The following PIK3R4 variants were observed in gnomAD, a reference collection of about 807,000 sequenced individuals.
PIK3R4 encodes phosphoinositide-3-kinase regulatory subunit 4, also known as phosphoinositide 3-kinase regulatory subunit 4.
In PIK3R4, 46 loss-of-function variants were observed where a neutral mutation model predicts 136.5. That is an observed-to-expected ratio of 0.34 (90% CI 0.27 to 0.43). The LOEUF (loss-of-function observed/expected upper bound fraction) is 0.43, where lower values mean the gene tolerates loss of function less well. PIK3R4 is among the 20% of genes least tolerant of loss of function. PIK3R4 has a pLI of 1.00. For missense variants in PIK3R4, 1,331 were observed against 1,649.5 expected, an observed-to-expected ratio of 0.81 and a Z score of 3.35; for synonymous variants, 557 against 566.7, an observed-to-expected ratio of 0.98 and a Z score of 0.24.
chr3:130,741,990 C>A (rs1394870210), intron 2 of PIK3R4, among the ~76,000 whole-genome samples: 1 of 152,142 alleles, frequency 6.6e-6, no homozygotes, highest in African/African-American at 2.4e-5. Flanking sequence ...ATTTTCTCAC[C>A]ATTTCATTAT....
At chr3:130,695,789 A>G (rs929105054) in intron 13 of PIK3R4, among the ~76,000 whole-genome samples, 3 of 152,182 alleles carry the variant, frequency 2.0e-5, no homozygotes, top group East Asian at 1.9e-4. Context: ...CACAGTATAC[A>G]TAAGGTTTGG....
chr3:130,711,019 A>AT (rs1491587725), intron 9 of PIK3R4, among the ~76,000 whole-genome samples: 1 of 87,804 alleles, frequency 1.1e-5, no homozygotes, highest in African/African-American at 4.1e-5. Flanking sequence ...AAAAGGAAAG[A>AT]AAAAAAAAAA....
intron 15 of PIK3R4, 99 bp downstream of exon 15, chr3:130,686,112 T>C: frequency 1.5e-6 from 1 of 645,214 alleles, no homozygotes; most frequent in Non-Finnish European, 2.7e-6. Context: ...ACGGGAAAAA[T>C]TACCAATGAA....
At chr3:130,680,855 G>T (rs1247918413) in intron 18 of PIK3R4, 122 bp downstream of exon 18, 2 of 753,018 alleles carry the variant, frequency 2.7e-6, no homozygotes, top group African/African-American at 1.8e-5. Flanking sequence ...GCATACCATT[G>T]GTTACAAATA....
At chr3:130,736,820 C>T (rs909749780) in intron 2 of PIK3R4, among the ~76,000 whole-genome samples, 3 of 151,990 alleles carry the variant, frequency 2.0e-5, no homozygotes, top group Non-Finnish European at 4.4e-5. Flanking sequence ...CCTCATGAAG[C>T]TTTCATTCTA....
At chr3:130,734,215 C>T (rs1002826740) in intron 3 of PIK3R4, 85 bp from the exon 4 acceptor site, 9 of 1,089,714 alleles carry the variant, frequency 8.3e-6, no homozygotes, top group East Asian at 7.2e-5. Context: ...AATTTACATA[C>T]GATTTAAAGG....
rs2066452048 is a variant in PIK3R4 at position 130,680,628 on chromosome 3, G to A, written c.3891C>T (p.Gly1297=). The A allele has an allele frequency of 6.3e-7, 1 of 1,596,330 alleles. No homozygotes were observed. The highest frequency in any genetic ancestry group is 2.2e-5 in the East Asian group (1 of 44,710). ...SVSYYRKIIE[G]TEVVQEIQNK... is the part of the protein sequence containing the mutation. Reference sequence around the variant, plus strand: ...ACTACAGTACCTGGACAACTTCAGTGCCTTCAATTATTTTCCTGTAGTAGG... The same window carrying A: ...ACTACAGTACCTGGACAACTTCAGTACCTTCAATTATTTTCCTGTAGTAGG... The change falls in exon 19 of 20, where the codon GGC becomes GGT. Residue 1297 remains glycine (G), a synonymous_variant. Transcript: ENST00000356763.
At chr3:130,741,074 T>TAG (rs1365580466) in intron 2 of PIK3R4, among the ~76,000 whole-genome samples, 4 of 152,336 alleles carry the variant, frequency 2.6e-5, no homozygotes, top group Non-Finnish European at 5.9e-5. Flanking sequence ...ATTGACTGAA[T>TAG]TGTGTGTCAA....
At chr3:130,715,935 T>C (rs757137750) in intron 9 of PIK3R4, among the ~76,000 whole-genome samples, 4 of 152,254 alleles carry the variant, frequency 2.6e-5, no homozygotes, top group Non-Finnish European at 4.4e-5. Flanking sequence ...AAACCTAAGA[T>C]GCATTCTAAA....
chr3:130,696,973 A>C (rs924049770), intron 13 of PIK3R4, among the ~76,000 whole-genome samples: 3 of 149,180 alleles, frequency 2.0e-5, no homozygotes, highest in African/African-American at 7.4e-5. Context: ...TGATGAACTG[A>C]TCCTTTTACC....
At chr3:130,696,244 AT>A (rs75569059) in intron 13 of PIK3R4, among the ~76,000 whole-genome samples, 5,833 of 145,462 alleles carry the variant, frequency 0.04, 246 homozygotes, top group East Asian at 0.1. Flanking sequence ...ACTTTTGCTG[AT>A]TTTTTTTTTT....
At chr3:130,732,277 ATTT>A (rs1161372260) in intron 4 of PIK3R4, among the ~76,000 whole-genome samples, 1 of 152,156 alleles carries the variant, frequency 6.6e-6, no homozygotes, top group African/African-American at 2.4e-5. Context: ...AGTAGCTATT[ATTT>A]TTATGTGATA....
chr3:130,718,986 T>G (rs1427209884), intron 7 of PIK3R4, among the ~76,000 whole-genome samples: 1 of 152,042 alleles, frequency 6.6e-6, no homozygotes, highest in East Asian at 1.9e-4. Flanking sequence ...AGAATTTACT[T>G]CTCCAAGCTA....
intron 7 of PIK3R4, among the ~76,000 whole-genome samples, chr3:130,722,229 C>A (rs1369677747): frequency 6.6e-6 from 1 of 151,980 alleles, no homozygotes; most frequent in Non-Finnish European, 1.5e-5. Flanking sequence ...GTGTTTTTTT[C>A]TCCCCATAGT....
At chr3:130,682,947 G>A (rs1393733984) in intron 16 of PIK3R4, among the ~76,000 whole-genome samples, 2 of 152,174 alleles carry the variant, frequency 1.3e-5, no homozygotes, top group African/African-American at 4.8e-5. Context: ...ACAGAAGCAG[G>A]CTGTGAAGAA....
chr3:130,732,720 C>A (rs1054162254), intron 4 of PIK3R4, among the ~76,000 whole-genome samples: 1 of 151,504 alleles, frequency 6.6e-6, no homozygotes, highest in Non-Finnish European at 1.5e-5. Context: ...AGACCAGAGT[C>A]CAAAGACCAC....
rs2066828762 is a variant in PIK3R4, at chr3:130,742,340, TA to T, written c.733+2145del. On this transcript the variant is annotated intron_variant, in intron 2 of 19. Coordinates refer to ENST00000356763, the MANE Select transcript of PIK3R4 (RefSeq NM_014602.3). The stretch of plus-strand genomic sequence containing the variant: ...AAAACTATAATGCACAAAAAAAGGA[TA>T]AAAATAAGCTTATCAACCACTGAAA... Among the ~76,000 whole-genome samples, 3 of 152,178 alleles carry T rather than the reference TA, an allele frequency of 2.0e-5. No homozygotes were observed. In the South Asian group the frequency reaches 6.2e-4, roughly 32 times the overall value.
chr3:130,689,311 G>A (rs2066504051), intron 14 of PIK3R4, among the ~76,000 whole-genome samples: 1 of 151,988 alleles, frequency 6.6e-6, no homozygotes, highest in Non-Finnish European at 1.5e-5. Context: ...CTGCGTGTAG[G>A]GCCTGTGGGC....
At chr3:130,728,724 G>C in intron 5 of PIK3R4, 40 bp from the exon 6 acceptor site, 5 of 1,306,362 alleles carry the variant, frequency 3.8e-6, no homozygotes, top group African/African-American at 1.6e-5. Context: ...AGAAAGAAAA[G>C]AAATAGTTAA....
Sources: allele counts gnomAD v4.1 joint callset (sites outside exome capture counted in the v4.1 genomes callset), GRCh38; gene constraint gnomAD v4.1.1; transcripts MANE v1.5; gene names NCBI Gene and HGNC (gene_info 2026-07-23, HGNC 2026-07-21).